Variants in TGFB2 observed in about 807,000 individuals in gnomAD.
TGFB2 encodes transforming growth factor beta-2 proprotein.
Under a neutral mutation model 42.7 loss-of-function variants are expected in TGFB2, and 13 were observed. The observed-to-expected ratio is 0.30, with a 90% CI of 0.20 to 0.48. The LOEUF (loss-of-function observed/expected upper bound fraction) is 0.48. Among genes scored for constraint, TGFB2 ranks in the 20% least tolerant of loss-of-function variants. The pLI is 0.99. For synonymous variants in TGFB2, 193 were observed against 193.6 expected, an observed-to-expected ratio of 1.00 and a Z score of 0.03; for missense variants, 390 against 517.5, an observed-to-expected ratio of 0.75 and a Z score of 2.39.
intron 1 of TGFB2, among the ~76,000 whole-genome samples, chr1:218,352,658 G>A (rs1178701520): frequency 2.6e-5 from 4 of 152,152 alleles, no homozygotes. Flanking sequence ...AGAAGTGGGT[G>A]TTTAAGTGCC....
intron 1 of TGFB2, among the ~76,000 whole-genome samples, chr1:218,402,546 A>G (rs1047255477): frequency 2.1e-4 from 31 of 144,306 alleles, no homozygotes; most frequent in East Asian, 1.2e-3. Context: ...AAAGGGGGGA[A>G]AAAAATGGTC....
chr1:218,394,314 C>A (rs1404396786), intron 1 of TGFB2, among the ~76,000 whole-genome samples: 1 of 152,080 alleles, frequency 6.6e-6, no homozygotes, highest in African/African-American at 2.4e-5. Flanking sequence ...CAACCCTGAG[C>A]CTGATGAGGA....
At chr1:218,376,015 G>A (rs186284633) in intron 1 of TGFB2, among the ~76,000 whole-genome samples, 119 of 152,274 alleles carry the variant, frequency 7.8e-4, no homozygotes, top group African/African-American at 2.6e-3. Context: ...GGGCTGTAGC[G>A]AAGGGGAAAT....
At chr1:218,382,609 A>AT (rs945471079) in intron 1 of TGFB2, among the ~76,000 whole-genome samples, 15 of 151,884 alleles carry the variant, frequency 9.9e-5, no homozygotes, top group East Asian at 3.9e-4. Flanking sequence ...GGAAAGTGAG[A>AT]TTTTTTTTTC....
intron 1 of TGFB2, among the ~76,000 whole-genome samples, chr1:218,388,296 G>A (rs1658203263): frequency 6.6e-6 from 1 of 152,196 alleles, no homozygotes; most frequent in Admixed American, 6.5e-5. Flanking sequence ...ACCTGCGTCA[G>A]GCCATCCTGA....
intron 1 of TGFB2, among the ~76,000 whole-genome samples, chr1:218,393,896 T>C (rs1045078809): frequency 7.3e-5 from 11 of 151,174 alleles, no homozygotes; most frequent in African/African-American, 2.4e-4. Context: ...TCCTCTACGT[T>C]AGGCATCGGC....
chr1:218,428,807 T>C (rs1455746681), intron 2 of TGFB2, among the ~76,000 whole-genome samples: 1 of 152,130 alleles, frequency 6.6e-6, no homozygotes, highest in Non-Finnish European at 1.5e-5. Context: ...TAGGTTTGTC[T>C]TGGCAATGTG....
intron 1 of TGFB2, among the ~76,000 whole-genome samples, chr1:218,373,822 GA>G (rs1187025773): frequency 6.6e-6 from 1 of 151,194 alleles, no homozygotes; most frequent in African/African-American, 2.4e-5. Context: ...CTGATAAAAG[GA>G]AAAAAAAGAC....
intron 1 of TGFB2, among the ~76,000 whole-genome samples, chr1:218,348,778 T>C (rs1656777127): frequency 6.6e-6 from 1 of 152,226 alleles, no homozygotes; most frequent in African/African-American, 2.4e-5. Flanking sequence ...CTACCGGTAT[T>C]TGGGCAGAGC....
Position 218,394,634 on chromosome 1 carries a change from G to A in TGFB2, c.347-10535G>A, listed in dbSNP as rs115621570. Among the ~76,000 whole-genome samples the A allele has an allele frequency of 2.5e-3, 386 of 152,162 alleles. 2 individuals are homozygous for A. The highest frequency in any genetic ancestry group is 8.9e-3 in the African/African-American group (371 of 41,526). On this transcript the variant is annotated intron_variant, in intron 1 of 6. Coordinates refer to ENST00000366930, the MANE Select transcript of TGFB2 (RefSeq NM_003238.6). ...TCAAGTCTGATATCATCCCCCTCTC[G>A]GAGACTCTGTCTTTACATAGCAGAT...
intron 1 of TGFB2, among the ~76,000 whole-genome samples, chr1:218,376,907 G>A (rs1236663320): frequency 1.3e-5 from 2 of 152,066 alleles, no homozygotes; most frequent in South Asian, 2.1e-4. Context: ...AGCTTTGTTT[G>A]TTTTGAGACA....
chr1:218,433,720 A>G (rs1008112767), intron 2 of TGFB2, among the ~76,000 whole-genome samples: 5 of 152,172 alleles, frequency 3.3e-5, no homozygotes, highest in Non-Finnish European at 7.3e-5. Flanking sequence ...CCCAAATTAA[A>G]TAAGTAGGGA....
intron 1 of TGFB2, among the ~76,000 whole-genome samples, chr1:218,382,289 T>C (rs1185618348): frequency 6.6e-6 from 1 of 152,214 alleles, no homozygotes; most frequent in Non-Finnish European, 1.5e-5. Context: ...CAGCTACTGG[T>C]ACCTTTGCTT....
At chr1:218,379,238 T>A (rs1180178574) in intron 1 of TGFB2, among the ~76,000 whole-genome samples, 1 of 150,994 alleles carries the variant, frequency 6.6e-6, no homozygotes, top group Non-Finnish European at 1.5e-5. Context: ...GTTCACGCCA[T>A]TCTCCTGCCT....
At chr1:218,435,009 G>A (rs769037652) in intron 4 of TGFB2, among the ~76,000 whole-genome samples, 13 of 152,080 alleles carry the variant, frequency 8.5e-5, no homozygotes, top group South Asian at 2.1e-4. Context: ...CTTTCCCCAC[G>A]CTTACCTTTA....
chr1:218,428,165 A>G (rs1423148743), intron 2 of TGFB2, among the ~76,000 whole-genome samples: 1 of 152,070 alleles, frequency 6.6e-6, no homozygotes, highest in Non-Finnish European at 1.5e-5. Flanking sequence ...TCCTTTGCCT[A>G]CTTTTTGATG....
chr1:218,422,905 A>G (rs1329612797), intron 2 of TGFB2, among the ~76,000 whole-genome samples: 1 of 152,238 alleles, frequency 6.6e-6, no homozygotes, highest in Non-Finnish European at 1.5e-5. Flanking sequence ...TGAGGACTCA[A>G]GTGCATACAA....
intron 2 of TGFB2, among the ~76,000 whole-genome samples, chr1:218,408,345 G>T (rs1658981460): frequency 6.6e-6 from 1 of 152,122 alleles, no homozygotes; most frequent in Non-Finnish European, 1.5e-5. Flanking sequence ...GGTTTCTGAA[G>T]CACCGGCTGC....
chr1:218,443,542 GTTGA>G lies in TGFB2; in HGVS notation c.*2183_*2186del, dbSNP rs1009708558. Reference sequence around the variant, plus strand: ...AACCCAATCCCAGATTTGAGTGTGTGTTGATTATTTTTTTGTCTTCCACTTTTCT... The same window carrying G: ...AACCCAATCCCAGATTTGAGTGTGTGTTATTTTTTTGTCTTCCACTTTTCT... On this transcript the variant is annotated 3_prime_UTR_variant, in exon 7 of 7. Transcript: ENST00000366930. 2 of 152,202 alleles carry G rather than the reference GTTGA, an allele frequency of 1.3e-5. No individual in the cohort carries two copies. The highest frequency in any genetic ancestry group is 1.9e-4 in the East Asian group (1 of 5,186). 9.4% of individuals were successfully genotyped at this position (152,202 alleles called of 1,614,324 possible). A position where few individuals can be genotyped will look rare whatever the true frequency, so the allele number is the denominator to read the frequency against.
Sources: allele counts gnomAD v4.1 joint callset (sites outside exome capture counted in the v4.1 genomes callset), GRCh38; gene constraint gnomAD v4.1.1; transcripts MANE v1.5; gene names NCBI Gene and HGNC (gene_info 2026-07-23, HGNC 2026-07-21).